SDK2: variants seen among roughly 807,000 people sequenced by gnomAD.
SDK2 encodes protein sidekick-2.
SDK2 carries 105 observed loss-of-function variants against 253.9 expected under a neutral mutation model. That is an observed-to-expected ratio of 0.41 (90% CI 0.35 to 0.49). SDK2 has a LOEUF of 0.49. Ranked by LOEUF, SDK2 falls within the 20% of genes least tolerant of loss-of-function variation. SDK2 has a pLI of 0.06. For synonymous variants in SDK2, 1,249 were observed against 1,234.9 expected, an observed-to-expected ratio of 1.01 and a Z score of -0.24; for missense variants, 2,608 against 3,003.0, an observed-to-expected ratio of 0.87 and a Z score of 3.07.
chr17:73,622,677 C>T (rs142831050), intron 1 of SDK2, among the ~76,000 whole-genome samples: 1 of 152,312 alleles, frequency 6.6e-6, no homozygotes, highest in East Asian at 1.9e-4. Flanking sequence ...CCGTGCCTCA[C>T]CCCCTCCTCC....
At chr17:73,483,852 G>A (rs1356228535) in intron 2 of SDK2, among the ~76,000 whole-genome samples, 2 of 150,556 alleles carry the variant, frequency 1.3e-5, no homozygotes, top group African/African-American at 2.4e-5. Flanking sequence ...CAGACAGAAC[G>A]TTTTATTACT....
Position 73,368,611 on chromosome 17 carries a change from T to A in SDK2, c.4981-18A>T. 6.5e-7 allele frequency: 1 copy of A among 1,540,508 alleles called. No homozygotes were observed. The highest frequency in any genetic ancestry group is 2.4e-5 in the East Asian group (1 of 42,470). On this transcript the variant is annotated intron_variant, in intron 36 of 44. Coordinates refer to ENST00000392650, the MANE Select transcript of SDK2 (RefSeq NM_001144952.2). The stretch of plus-strand genomic sequence containing the variant: ...AAATAAATCTGTGGGAACAGAAGGA[T>A]GTGGGAGTGAGGGGGACAGGGGCAA...
intron 1 of SDK2, among the ~76,000 whole-genome samples, chr17:73,532,926 C>T (rs538049166): frequency 1.3e-5 from 2 of 152,308 alleles, no homozygotes; most frequent in South Asian, 2.1e-4. Flanking sequence ...CTCGGCACAG[C>T]GGTTTACCCA....
chr17:73,376,192 CAA>C (rs368856491), intron 36 of SDK2, among the ~76,000 whole-genome samples: 12,077 of 128,300 alleles, frequency 0.094, 835 homozygotes, highest in East Asian at 0.36. Flanking sequence ...GACTCCGTGT[CAA>C]AAAAAAAAAA....
chr17:73,539,334 T>G (rs1193406173), intron 1 of SDK2, among the ~76,000 whole-genome samples: 1 of 152,002 alleles, frequency 6.6e-6, no homozygotes, highest in Non-Finnish European at 1.5e-5. Context: ...GGAAGTGAAG[T>G]CTGTGAGGGA....
At chr17:73,517,902 C>T (rs1041823953) in intron 1 of SDK2, 2 of 152,376 alleles carry the variant, frequency 1.3e-5, no homozygotes, top group African/African-American at 4.8e-5. Context: ...TAGTTCCTGT[C>T]CAGCACCCCT....
intron 1 of SDK2, among the ~76,000 whole-genome samples, chr17:73,589,390 A>T (rs1479881054): frequency 6.6e-6 from 1 of 152,220 alleles, no homozygotes; most frequent in Non-Finnish European, 1.5e-5. Flanking sequence ...GGAGCTGGGT[A>T]TTGAGGTGTG....
intron 1 of SDK2, among the ~76,000 whole-genome samples, chr17:73,625,909 T>C (rs2046194196): frequency 6.6e-6 from 1 of 152,106 alleles, no homozygotes; most frequent in Non-Finnish European, 1.5e-5. Context: ...CCTCCCAAAG[T>C]GCTGGGATTA....
chr17:73,463,734 C>G (rs1308847504), intron 3 of SDK2, among the ~76,000 whole-genome samples: 16 of 152,154 alleles, frequency 1.1e-4, no homozygotes, highest in Admixed American at 1.0e-3. Flanking sequence ...TGGGGGGGCT[C>G]CATCCTGGTC....
chr17:73,347,620 C>T (rs1199351321), intron 44 of SDK2, among the ~76,000 whole-genome samples: 1 of 152,186 alleles, frequency 6.6e-6, no homozygotes, highest in Non-Finnish European at 1.5e-5. Flanking sequence ...CTGCTGGCAC[C>T]TCTTCCTTCA....
At chr17:73,340,760 T>TTTTTTTGGATTGG (rs2062428684) in intron 44 of SDK2, among the ~76,000 whole-genome samples, 1 of 145,814 alleles carries the variant, frequency 6.9e-6, no homozygotes, top group Non-Finnish European at 1.5e-5. Flanking sequence ...TTTTTTTTTT[T>TTTTTTTGGATTGG]GAGATGGAGT....
At position 73,399,249 on chromosome 17, in the gene SDK2, G is replaced by A. The variant is rs370582581; in HGVS notation, c.3012C>T (p.Ile1004=). The A allele has an allele frequency of 3.0e-5, 48 of 1,613,768 alleles. No individual in the cohort carries two copies. The highest frequency in any genetic ancestry group is 3.3e-4 in the Middle Eastern group (2 of 6,060). Residue 1004 remains isoleucine (I), a synonymous_variant, in exon 22 of 45, where the codon ATC becomes ATT. Coordinates refer to ENST00000392650, the MANE Select transcript of SDK2 (RefSeq NM_001144952.2). ...GPPTNLGISN[I]GPRSVTLQFR... is the part of the protein sequence containing the mutation. ...ACTGCAAGGTCACAGAGCGGGGGCC[G>A]ATGTTGGAAATGCCCAGGTTGGTGG... is the stretch of plus-strand genomic sequence containing the variant.
chr17:73,545,286 C>A (rs548891929), intron 1 of SDK2, among the ~76,000 whole-genome samples: 1 of 152,108 alleles, frequency 6.6e-6, no homozygotes, highest in African/African-American at 2.4e-5. Context: ...CCCCAGCTGC[C>A]GAGCCTGCCG....
chr17:73,465,808 G>T lies in SDK2; in HGVS notation c.331+6304C>A, dbSNP rs2063592677. On this transcript the variant is annotated intron_variant, in intron 3 of 44. Coordinates refer to ENST00000392650, the MANE Select transcript of SDK2 (RefSeq NM_001144952.2). This position sits in a 1 kb window ranked among gnomAD's most constrained non-coding sequence, Gnocchi z 4.2. The stretch of plus-strand genomic sequence containing the variant: ...TGGCCAGCCTGGCTCCATGATAGGA[G>T]AACTGGCTGCTTAGGGCCCCAGGAC... 6.6e-6 allele frequency among the ~76,000 whole-genome samples: 1 copy of T among 152,190 alleles called. No individual in the cohort carries two copies. Among genetic ancestry groups the T allele is most frequent in the South Asian group, 2.1e-4 (1 of 4,838 alleles).
chr17:73,406,379 G>A (rs2063079324), intron 18 of SDK2, among the ~76,000 whole-genome samples: 1 of 151,912 alleles, frequency 6.6e-6, no homozygotes, highest in Non-Finnish European at 1.5e-5. Context: ...GAATAGCTGG[G>A]ATTATAGGCA....
intron 1 of SDK2, among the ~76,000 whole-genome samples, chr17:73,628,535 C>G (rs1184445376): frequency 1.3e-5 from 2 of 152,234 alleles, no homozygotes; most frequent in East Asian, 3.9e-4. Context: ...GATCCGGGAG[C>G]TGACCTGCAG....
At chr17:73,394,363 C>G (rs745465438) in intron 25 of SDK2, 39 bp from the exon 26 acceptor site, 1 of 1,377,460 alleles carries the variant, frequency 7.3e-7, no homozygotes, top group Admixed American at 2.2e-5. Context: ...CACTCAGGAC[C>G]CAACGTTGAC....
At chr17:73,636,789 G>A (rs552513939) in intron 1 of SDK2, among the ~76,000 whole-genome samples, 187 of 151,732 alleles carry the variant, frequency 1.2e-3, no homozygotes, top group Non-Finnish European at 2.0e-3. Flanking sequence ...AAGAAAAGCC[G>A]TCTTAATGCA....
At chr17:73,418,090 C>G (rs1035237082) in intron 16 of SDK2, among the ~76,000 whole-genome samples, 2 of 150,428 alleles carry the variant, frequency 1.3e-5, no homozygotes, top group African/African-American at 4.9e-5. Context: ...TCACTGCAAC[C>G]TCTGCCTCCT....
Sources: gnomAD v4.1 joint callset for allele counts (sites outside exome capture counted in the v4.1 genomes callset) on GRCh38, gnomAD v4.1.1 for gene constraint, Gnocchi (gnomAD v3.1) non-coding constraint, MANE v1.5 for transcripts, NCBI Gene and HGNC (gene_info 2026-07-23, HGNC 2026-07-21) for gene names.